Variants in SAMD12 observed in about 807,000 individuals in gnomAD.
SAMD12 encodes the protein sterile alpha motif domain containing 12.
In SAMD12, 9 loss-of-function variants were observed where a neutral mutation model predicts 15.0. That is an observed-to-expected ratio of 0.60 (90% CI 0.36 to 1.05). The LOEUF (loss-of-function observed/expected upper bound fraction) is 1.05, where lower values mean the gene tolerates loss of function less well. Ranked by LOEUF, SAMD12 falls within the 50% of genes least tolerant of loss-of-function variation. The probability of loss-of-function intolerance (pLI) is 0.01; values close to 1 mark genes in which losing one functional copy is unlikely to be tolerated. For synonymous variants in SAMD12, 86 were observed against 90.1 expected, an observed-to-expected ratio of 0.96 and a Z score of 0.25; for missense variants, 230 against 234.2, an observed-to-expected ratio of 0.98 and a Z score of 0.12.
intron 2 of SAMD12, among the ~76,000 whole-genome samples, chr8:118,553,087 G>A (rs1361053425): frequency 2.6e-5 from 4 of 151,746 alleles, no homozygotes; most frequent in Non-Finnish European, 4.4e-5. Flanking sequence ...AATCAATATC[G>A]TGAAAATGGC....
At chr8:118,502,089 ATTTCTAACAAGCTTCC>A (rs958800808) in intron 2 of SAMD12, among the ~76,000 whole-genome samples, 30 of 151,358 alleles carry the variant, frequency 2.0e-4, no homozygotes, top group African/African-American at 5.6e-4. Flanking sequence ...AAGCTTGTAT[ATTTCTAACAAGCTTCC>A]AAACTGCTGG....
intron 2 of SAMD12, among the ~76,000 whole-genome samples, chr8:118,503,841 A>G (rs528129974): frequency 6.6e-6 from 1 of 152,286 alleles, no homozygotes; most frequent in East Asian, 1.9e-4. Flanking sequence ...TCCCATCACA[A>G]AACGGTTGCA....
intron 3 of SAMD12, among the ~76,000 whole-genome samples, chr8:118,421,697 G>A (rs1822004633): frequency 6.6e-6 from 1 of 152,138 alleles, no homozygotes; most frequent in South Asian, 2.1e-4. Context: ...TTTAGATAAA[G>A]GATATTTGCT....
chr8:118,369,760 T>C (rs1818985286), intron 4 of SAMD12, among the ~76,000 whole-genome samples: 1 of 150,890 alleles, frequency 6.6e-6, no homozygotes, highest in Non-Finnish European at 1.5e-5. Context: ...AAAACAAAAA[T>C]AAAACAACAA....
At chr8:118,587,149 A>G (rs989374749) in intron 1 of SAMD12, among the ~76,000 whole-genome samples, 8 of 152,214 alleles carry the variant, frequency 5.3e-5, no homozygotes, top group African/African-American at 1.9e-4. Context: ...CCCCACCATT[A>G]GTTATTAGAA....
chr8:118,262,185 G>A (rs1813097045), intron 4 of SAMD12, among the ~76,000 whole-genome samples: 1 of 151,982 alleles, frequency 6.6e-6, no homozygotes, highest in African/African-American at 2.4e-5. Flanking sequence ...TGAATCCACA[G>A]GAACTTTTTA....
At chr8:118,529,796 G>T (rs1390452282) in intron 2 of SAMD12, among the ~76,000 whole-genome samples, 16 of 152,248 alleles carry the variant, frequency 1.1e-4, no homozygotes, top group South Asian at 2.1e-4. Flanking sequence ...TGTGTACAGG[G>T]TCTCACTGTG....
Position 118,523,644 on chromosome 8 carries a change from A to G in SAMD12, c.192+57071T>C, listed in dbSNP as rs1245645227. ...TACAGCTACTTAACTGAAAAAGGTC[A>G]CAGAATAATCCACAACCCTGTCAAC... is the stretch of plus-strand genomic sequence containing the variant. On this transcript the variant is annotated intron_variant, in intron 2 of 3. Coordinates refer to ENST00000314727, the MANE Select transcript of SAMD12 (RefSeq NM_207506.3). Among the ~76,000 whole-genome samples, 3 of 152,314 alleles carry G rather than the reference A, an allele frequency of 2.0e-5. No homozygotes were observed. The East Asian group carries it at 5.8e-4, about 29-fold the overall frequency.
intron 2 of SAMD12, among the ~76,000 whole-genome samples, chr8:118,570,064 A>G (rs1826965609): frequency 1.3e-5 from 2 of 152,104 alleles, no homozygotes; most frequent in Admixed American, 1.3e-4. Flanking sequence ...GATCAGGGAG[A>G]TGGGGCAGAA....
At chr8:118,377,120 G>A (rs988569250), downstream of SAMD12, among the ~76,000 whole-genome samples, 1 of 152,054 alleles carries the variant, frequency 6.6e-6, no homozygotes, top group Non-Finnish European at 1.5e-5. Flanking sequence ...ATTAACATGT[G>A]AAGAACCGGC....
intron 2 of SAMD12, among the ~76,000 whole-genome samples, chr8:118,572,373 T>C (rs1056388315): frequency 3.9e-5 from 6 of 152,174 alleles, no homozygotes; most frequent in African/African-American, 7.2e-5. Context: ...GAGTTAAGAC[T>C]ATGTGGAACT....
rs1819422334 is a variant in SAMD12 at position 118,192,113 on chromosome 8, T to C, written c.*5597A>G. ...CAGCCAGCAAATTTTTCTATGAAGTTATCTTCAAGATCAGTTATCCTACCC... is the reference window on the plus strand; with the variant it reads ...CAGCCAGCAAATTTTTCTATGAAGTCATCTTCAAGATCAGTTATCCTACCC... On this transcript the variant is annotated 3_prime_UTR_variant, in exon 5 of 5. Coordinates refer to the SAMD12 transcript ENST00000409003. The C allele has an allele frequency of 3.3e-5, 5 of 151,750 alleles. No individual in the cohort carries two copies. The South Asian group carries it at 1.0e-3, about 32-fold the overall frequency. 9.4% of individuals were successfully genotyped at this position (151,750 alleles called of 1,614,324 possible).
chr8:118,229,662 T>C (rs577949846), intron 4 of SAMD12, among the ~76,000 whole-genome samples: 4 of 152,326 alleles, frequency 2.6e-5, no homozygotes, highest in Admixed American at 2.6e-4. Context: ...AATGAGTTAA[T>C]GTGGGCTGGG....
chr8:118,203,017 T>C (rs551282104), intron 4 of SAMD12, among the ~76,000 whole-genome samples: 4 of 152,294 alleles, frequency 2.6e-5, no homozygotes, highest in Admixed American at 2.0e-4. Flanking sequence ...ACAGAGAAAA[T>C]GACAGCAGGG....
At chr8:118,346,017 C>T (rs1170883592) in intron 4 of SAMD12, among the ~76,000 whole-genome samples, 3 of 152,206 alleles carry the variant, frequency 2.0e-5, no homozygotes, top group African/African-American at 7.2e-5. Flanking sequence ...CAGCAGCCTA[C>T]TTGCTCTCTG....
At chr8:118,297,897 C>T (rs536104809) in intron 4 of SAMD12, among the ~76,000 whole-genome samples, 1 of 152,180 alleles carries the variant, frequency 6.6e-6, no homozygotes, top group East Asian at 1.9e-4. Flanking sequence ...AAATGCAGTG[C>T]TAATAATAGA....
At chr8:118,388,781 T>C (rs1820103137) in intron 3 of SAMD12, among the ~76,000 whole-genome samples, 1 of 152,204 alleles carries the variant, frequency 6.6e-6, no homozygotes, top group Non-Finnish European at 1.5e-5. Context: ...AATATAATGC[T>C]AGACTTGCTG....
intron 2 of SAMD12, among the ~76,000 whole-genome samples, chr8:118,552,894 A>G (rs1264815298): frequency 6.6e-6 from 1 of 151,840 alleles, no homozygotes; most frequent in African/African-American, 2.4e-5. Flanking sequence ...ATAACAGACA[A>G]ACAGAGAGCC....
chr8:118,509,670 A>C (rs535268116), intron 2 of SAMD12, among the ~76,000 whole-genome samples: 1 of 152,294 alleles, frequency 6.6e-6, no homozygotes, highest in South Asian at 2.1e-4. Context: ...TGGAGTCTAG[A>C]TTATGATTAG....
Sources: allele counts gnomAD v4.1 joint callset (sites outside exome capture counted in the v4.1 genomes callset), GRCh38; gene constraint gnomAD v4.1.1; transcripts MANE v1.5; gene names NCBI Gene and HGNC (gene_info 2026-07-23, HGNC 2026-07-21).